Variants in BICC1 observed in about 807,000 individuals in gnomAD.
BICC1 encodes protein bicaudal C homolog 1.
BICC1 carries 43 observed loss-of-function variants against 111.0 expected under a neutral mutation model. That is an observed-to-expected ratio of 0.39 (90% CI 0.30 to 0.50). BICC1 has a LOEUF of 0.50. Among genes scored for constraint, BICC1 ranks in the 20% least tolerant of loss-of-function variants. BICC1 has a pLI of 0.88. For missense variants in BICC1, 1,091 were observed against 1,203.2 expected, an observed-to-expected ratio of 0.91 and a Z score of 1.38; for synonymous variants, 467 against 434.4, an observed-to-expected ratio of 1.07 and a Z score of -0.93.
chr10:58,737,015 T>G (rs889419799), intron 3 of BICC1, among the ~76,000 whole-genome samples: 6 of 152,138 alleles, frequency 3.9e-5, no homozygotes, highest in Non-Finnish European at 7.4e-5. Flanking sequence ...TATTTAAAAA[T>G]GAAATACTAT....
At chr10:58,794,594 A>G (rs1006703752) in intron 9 of BICC1, among the ~76,000 whole-genome samples, 4 of 151,862 alleles carry the variant, frequency 2.6e-5, no homozygotes, top group Non-Finnish European at 4.4e-5. Context: ...AATGTTTTGT[A>G]CTTTTTGTAG....
At chr10:58,768,657 T>C (rs770675724) in intron 3 of BICC1, among the ~76,000 whole-genome samples, 3 of 150,080 alleles carry the variant, frequency 2.0e-5, no homozygotes, top group Non-Finnish European at 4.4e-5. Flanking sequence ...CCAATGTTAA[T>C]GGAGACACAA....
intron 3 of BICC1, among the ~76,000 whole-genome samples, chr10:58,717,804 G>T (rs1840795344): frequency 6.6e-6 from 1 of 152,122 alleles, no homozygotes; most frequent in Non-Finnish European, 1.5e-5. Context: ...TTTTAGGATT[G>T]TCACCTTGTC....
intron 2 of BICC1, among the ~76,000 whole-genome samples, chr10:58,621,562 C>T (rs1302893987): frequency 1.3e-5 from 2 of 152,070 alleles, no homozygotes; most frequent in African/African-American, 4.8e-5. Context: ...CCTGTAATCC[C>T]ACCACTTTGA....
chr10:58,641,207 T>A (rs1468785720), intron 2 of BICC1, among the ~76,000 whole-genome samples: 1 of 152,220 alleles, frequency 6.6e-6, no homozygotes, highest in Non-Finnish European at 1.5e-5. Context: ...CAGGGGTTGC[T>A]AACAGTGCAA....
At chr10:58,615,560 C>T (rs570341517) in intron 1 of BICC1, among the ~76,000 whole-genome samples, 3 of 152,260 alleles carry the variant, frequency 2.0e-5, no homozygotes, top group East Asian at 1.9e-4. Context: ...TCGGCTTGTT[C>T]GTGCCAAGAG....
At chr10:58,595,839 C>T (rs1170394097) in intron 1 of BICC1, among the ~76,000 whole-genome samples, 1 of 152,004 alleles carries the variant, frequency 6.6e-6, no homozygotes, top group Non-Finnish European at 1.5e-5. Context: ...CAAAATTTAG[C>T]AGAAGACAAG....
intron 1 of BICC1, among the ~76,000 whole-genome samples, chr10:58,549,079 C>G (rs1389644052): frequency 6.6e-6 from 1 of 152,062 alleles, no homozygotes; most frequent in Non-Finnish European, 1.5e-5. Context: ...CTCCTAGACT[C>G]AAGCAATCTG....
chr10:58,729,848 C>T (rs1379812218), intron 3 of BICC1, among the ~76,000 whole-genome samples: 2 of 152,166 alleles, frequency 1.3e-5, no homozygotes, highest in East Asian at 3.9e-4. Context: ...AAGAATCCAC[C>T]CAATGGTCCA....
chr10:58,603,156 T>C (rs1003025856), intron 1 of BICC1, among the ~76,000 whole-genome samples: 6 of 152,244 alleles, frequency 3.9e-5, no homozygotes, highest in Non-Finnish European at 8.8e-5. Flanking sequence ...TGCTAAACAC[T>C]GAGAGCAAAT....
chr10:58,578,798 A>G (rs541258573), intron 1 of BICC1, among the ~76,000 whole-genome samples: 8 of 152,060 alleles, frequency 5.3e-5, no homozygotes, highest in African/African-American at 1.9e-4. Flanking sequence ...CCCCTCTCCC[A>G]CCTGTGTGTG....
chr10:58,677,686 A>G (rs1477792965), intron 2 of BICC1, among the ~76,000 whole-genome samples: 1 of 152,224 alleles, frequency 6.6e-6, no homozygotes, highest in East Asian at 1.9e-4. Flanking sequence ...CAAATTCAGG[A>G]AATACAGAGA....
chr10:58,577,420 G>A (rs1205089382), intron 1 of BICC1, among the ~76,000 whole-genome samples: 2 of 152,148 alleles, frequency 1.3e-5, no homozygotes, highest in Non-Finnish European at 1.5e-5. Flanking sequence ...GCCCATGAAG[G>A]AGCAGTAATA....
rs1387389586 is a variant in BICC1 at position 58,790,045 on chromosome 10, G to A, written c.1047+112G>A. 36 of 1,204,810 alleles carry A rather than the reference G, an allele frequency of 3.0e-5. No homozygotes were observed. The Middle Eastern group carries it at 8.2e-4, about 27-fold the overall frequency. The allele number at this position is 1,204,810 out of a possible 1,614,324, so 74.6% of individuals were successfully genotyped here. A position where few individuals can be genotyped will look rare whatever the true frequency, so the allele number is the denominator to read the frequency against. Reference sequence around the variant, plus strand: ...TTTAGGAAAGCACTTCGGAAGCCTCGTCAAATAAGGAAGTTTCTTGCTAAA... The same window carrying A: ...TTTAGGAAAGCACTTCGGAAGCCTCATCAAATAAGGAAGTTTCTTGCTAAA... On this transcript the variant is annotated intron_variant, in intron 8 of 20. Transcript: ENST00000373886.
chr10:58,571,542 A>G (rs1431251283), intron 1 of BICC1, among the ~76,000 whole-genome samples: 1 of 128,770 alleles, frequency 7.8e-6, no homozygotes, highest in African/African-American at 3.0e-5. Context: ...CCATATGTCC[A>G]TGTGTTCTCA....
At chr10:58,553,027 G>T (rs1374197454) in intron 1 of BICC1, among the ~76,000 whole-genome samples, 1 of 151,162 alleles carries the variant, frequency 6.6e-6, no homozygotes, top group African/African-American at 2.5e-5. Context: ...CTACTGAATT[G>T]TAGTTTTGTT....
Position 58,830,258 on chromosome 10 carries a change from T to C in BICC1, c.*1367T>C, listed in dbSNP as rs554304142. ...GTTTCCTGGGTCTTTTCAGAGATCTTATAGATTTATGAAGTGTTTTTAATC... is the reference window on the plus strand; with the variant it reads ...GTTTCCTGGGTCTTTTCAGAGATCTCATAGATTTATGAAGTGTTTTTAATC... On this transcript the variant is annotated 3_prime_UTR_variant, in exon 21 of 21. Transcript: ENST00000373886. 1.1e-3 allele frequency: 175 copies of C among 152,282 alleles called. No individual in the cohort carries two copies. Among genetic ancestry groups the C allele is most frequent in the African/African-American group, 4.0e-3 (167 of 41,582 alleles). The allele number at this position is 152,282 out of a possible 1,614,324, so 9.4% of individuals were successfully genotyped here.
At chr10:58,816,134 A>G (rs536044362) in intron 18 of BICC1, among the ~76,000 whole-genome samples, 5 of 152,278 alleles carry the variant, frequency 3.3e-5, no homozygotes, top group African/African-American at 7.2e-5. Context: ...AAGTAAATCT[A>G]TCATTTGGAC....
intron 1 of BICC1, among the ~76,000 whole-genome samples, chr10:58,544,375 T>A (rs1437913210): frequency 6.6e-6 from 1 of 152,188 alleles, no homozygotes; most frequent in African/African-American, 2.4e-5. Flanking sequence ...TTACTTATTT[T>A]AAAAGTAGAC....
Sources: allele counts gnomAD v4.1 joint callset (sites outside exome capture counted in the v4.1 genomes callset), GRCh38; gene constraint gnomAD v4.1.1; transcripts MANE v1.5; gene names NCBI Gene and HGNC (gene_info 2026-07-23, HGNC 2026-07-21).